The following MYO5A variants were observed in gnomAD, a reference collection of about 807,000 sequenced individuals.
The protein encoded by MYO5A is unconventional myosin-Va.
MYO5A carries 98 observed loss-of-function variants against 249.7 expected under a neutral mutation model. That is an observed-to-expected ratio of 0.39 (90% CI 0.33 to 0.46). MYO5A has a LOEUF of 0.46. MYO5A is among the 20% of genes least tolerant of loss of function. The probability of loss-of-function intolerance (pLI) is 0.98; values close to 1 mark genes in which losing one functional copy is unlikely to be tolerated. For missense variants in MYO5A, 1,696 were observed against 2,308.8 expected, an observed-to-expected ratio of 0.73 and a Z score of 5.44; for synonymous variants, 778 against 810.6, an observed-to-expected ratio of 0.96 and a Z score of 0.68.
Position 52,368,059 on chromosome 15 carries a change from A to G in MYO5A, c.3067-935T>C, listed in dbSNP as rs181953608. On this transcript the variant is annotated intron_variant, in intron 22 of 41. Coordinates refer to ENST00000399233, the MANE Select transcript of MYO5A (RefSeq NM_001382347.1). ...TGTGCTTATGATGAGTAAAATCTGA[A>G]TTCCTTTTTCTAAGCTAAAGTTTAA... is the stretch of plus-strand genomic sequence containing the variant. Among the ~76,000 whole-genome samples the G allele has an allele frequency of 2.0e-5, 3 of 152,216 alleles. No homozygotes were observed. The East Asian group carries it at 5.8e-4, about 29-fold the overall frequency.
At chr15:52,521,539 A>G (rs975130664) in intron 1 of MYO5A, among the ~76,000 whole-genome samples, 6 of 152,298 alleles carry the variant, frequency 3.9e-5, no homozygotes, top group Admixed American at 3.9e-4. Flanking sequence ...GTAGTACATT[A>G]GGCCACAGGA....
chr15:52,316,233 C>CTAAAA (rs2038006834), intron 40 of MYO5A, among the ~76,000 whole-genome samples: 1 of 60,348 alleles, frequency 1.7e-5, no homozygotes, highest in Non-Finnish European at 2.9e-5. Context: ...GACTCCGTCA[C>CTAAAA]AAAAAAAAAA....
chr15:52,480,358 A>C (rs2076690207), intron 1 of MYO5A, among the ~76,000 whole-genome samples: 1 of 152,214 alleles, frequency 6.6e-6, no homozygotes. Flanking sequence ...ATTTAGGAAA[A>C]CCCGTAACTA....
rs116084056 is a variant in MYO5A, at chr15:52,425,193, G to A, written c.455+637C>T. 8.9e-4 allele frequency among the ~76,000 whole-genome samples: 135 copies of A among 152,068 alleles called. 1 individual carries two copies. Among genetic ancestry groups the A allele is most frequent in the African/African-American group, 3.1e-3 (127 of 41,450 alleles). On this transcript the variant is annotated intron_variant, in intron 4 of 41. Coordinates refer to ENST00000399233, the MANE Select transcript of MYO5A (RefSeq NM_001382347.1). ...TTTAGTTCTAGTCTATTACTCATTC[G>A]CTGACTGACATTGGGTAGGTCATTT...
intron 1 of MYO5A, among the ~76,000 whole-genome samples, chr15:52,504,039 C>G (rs117037224): frequency 8.1e-6 from 1 of 124,034 alleles, no homozygotes; most frequent in African/African-American, 2.9e-5. Context: ...AAGGCTGTTG[C>G]TGCTGTTTCT....
intron 14 of MYO5A, among the ~76,000 whole-genome samples, chr15:52,387,541 C>T (rs186096908): frequency 6.6e-6 from 1 of 152,308 alleles, no homozygotes; most frequent in Non-Finnish European, 1.5e-5. Context: ...AGCACAGACA[C>T]AGCAAGACGG....
chr15:52,512,443 G>A (rs888071712), intron 1 of MYO5A, among the ~76,000 whole-genome samples: 3 of 151,886 alleles, frequency 2.0e-5, no homozygotes, highest in African/African-American at 4.8e-5. Flanking sequence ...AGAATAACAC[G>A]TATTGGCATG....
Position 52,329,905 on chromosome 15 carries a change from ATTTTTTTTTTTTT to A in MYO5A, c.4555+435_4555+447del, listed in dbSNP as rs58058940. Among the ~76,000 whole-genome samples the A allele has an allele frequency of 7.8e-3, 930 of 119,686 alleles. 13 individuals carry two copies. Among genetic ancestry groups the A allele is most frequent in the Non-Finnish European group, 8.1e-3 (504 of 61,858 alleles). 78.5% of individuals were successfully genotyped at this position (119,686 alleles called of 152,430 possible). A position where few individuals can be genotyped will look rare whatever the true frequency, so the allele number is the denominator to read the frequency against. On this transcript the variant is annotated intron_variant, in intron 35 of 41. Coordinates refer to ENST00000399233, the MANE Select transcript of MYO5A (RefSeq NM_001382347.1). ...AGGCATGTACCACCTCGCCTGGGTA[ATTTTTTTTTTTTT>A]TTTTTTTTTTTTTGGAGAGATGCGG...
At chr15:52,323,506 T>C (rs905417472) in intron 36 of MYO5A, 62 bp from the exon 37 acceptor site, 39 of 1,218,768 alleles carry the variant, frequency 3.2e-5, no homozygotes, top group Admixed American at 8.7e-5. Flanking sequence ...CTAAAAAAAA[T>C]TGAACAGATA....
chr15:52,351,110 G>C, intron 28 of MYO5A, 144 bp downstream of exon 28: 1 of 765,048 alleles, frequency 1.3e-6, no homozygotes, highest in Non-Finnish European at 2.2e-6. Context: ...AAACAACACT[G>C]GGATTTTTTT....
At chr15:52,449,993 T>A (rs1395446774) in intron 1 of MYO5A, among the ~76,000 whole-genome samples, 1 of 151,884 alleles carries the variant, frequency 6.6e-6, no homozygotes, top group African/African-American at 2.4e-5. Flanking sequence ...CAGGGCTAGA[T>A]CCTGTCTCCA....
chr15:52,454,675 GA>G (rs1332165347), intron 1 of MYO5A, among the ~76,000 whole-genome samples: 1 of 151,874 alleles, frequency 6.6e-6, no homozygotes, highest in Non-Finnish European at 1.5e-5. Flanking sequence ...TGGAACCCTG[GA>G]AAATTCACAA....
At chr15:52,496,233 A>G (rs2077035715) in intron 1 of MYO5A, among the ~76,000 whole-genome samples, 1 of 152,202 alleles carries the variant, frequency 6.6e-6, no homozygotes, top group Non-Finnish European at 1.5e-5. Context: ...CAGGACTGGA[A>G]GCAGGGCTTA....
chr15:52,424,951 T>C (rs2075362340), intron 4 of MYO5A, among the ~76,000 whole-genome samples: 1 of 152,234 alleles, frequency 6.6e-6, no homozygotes, highest in Admixed American at 6.5e-5. Context: ...CATATAATAC[T>C]AATGTTAAAA....
chr15:52,459,147 ATTTTTTTTTTTTTT>A (rs531798708), intron 1 of MYO5A, among the ~76,000 whole-genome samples: 3 of 64,292 alleles, frequency 4.7e-5, no homozygotes, highest in African/African-American at 1.5e-4. Flanking sequence ...TTTTCCAGAA[ATTTTTTTTTTTTTT>A]TTTTTTTTTT....
At chr15:52,517,495 G>C (rs1005047824) in intron 1 of MYO5A, among the ~76,000 whole-genome samples, 1 of 152,190 alleles carries the variant, frequency 6.6e-6, no homozygotes, top group Non-Finnish European at 1.5e-5. Context: ...GACCAGCCTA[G>C]CCAACATGGT....
chr15:52,344,851 AC>A (rs2039544009), intron 30 of MYO5A, among the ~76,000 whole-genome samples: 1 of 152,368 alleles, frequency 6.6e-6, no homozygotes, highest in South Asian at 2.1e-4. Flanking sequence ...AGTATGTGGC[AC>A]AAGGCCTGGC....
At chr15:52,522,705 A>C (rs540207936) in intron 1 of MYO5A, among the ~76,000 whole-genome samples, 2 of 152,182 alleles carry the variant, frequency 1.3e-5, no homozygotes, top group Non-Finnish European at 2.9e-5. Context: ...CTGAGGTAAG[A>C]AGTAAGGCGG....
At chr15:52,480,802 C>T (rs981653046) in intron 1 of MYO5A, among the ~76,000 whole-genome samples, 1 of 152,178 alleles carries the variant, frequency 6.6e-6, no homozygotes, top group South Asian at 2.1e-4. Context: ...ATGCCTCCAG[C>T]ACAGTCAAAA....
Sources: allele counts gnomAD v4.1 joint callset (sites outside exome capture counted in the v4.1 genomes callset), GRCh38; gene constraint gnomAD v4.1.1; transcripts MANE v1.5; gene names NCBI Gene and HGNC (gene_info 2026-07-23, HGNC 2026-07-21).